The following RABGAP1L variants were observed in gnomAD, a reference collection of about 807,000 sequenced individuals.
The protein encoded by RABGAP1L is RAB GTPase activating protein 1 like, also known as rab GTPase-activating protein 1-like.
A neutral mutation model predicts 137.7 loss-of-function variants in RABGAP1L; 63 were observed. The observed-to-expected ratio is 0.46, with a 90% confidence interval of 0.37 to 0.56. RABGAP1L has a LOEUF of 0.56. RABGAP1L is among the 20% of genes least tolerant of loss of function. The pLI, the probability that RABGAP1L is intolerant of heterozygous loss-of-function variation, is 0.00. For synonymous variants in RABGAP1L, 431 were observed against 433.7 expected (o/e 0.99, Z 0.08); for missense variants, 1,095 against 1,244.0 (o/e 0.88, Z 1.80).
chr1:174,862,940 G>A (rs977404783), intron 19 of RABGAP1L, among the ~76,000 whole-genome samples: 2 of 151,456 alleles, frequency 1.3e-5, no homozygotes, highest in Non-Finnish European at 2.9e-5. Context: ...TGTCGCCCAG[G>A]TTGGAGTGCA....
intron 13 of RABGAP1L, among the ~76,000 whole-genome samples, chr1:174,487,372 A>G (rs1166417710): frequency 6.6e-6 from 1 of 152,180 alleles, no homozygotes; most frequent in Non-Finnish European, 1.5e-5. Context: ...TTTTATCATT[A>G]TATAGTGACC....
chr1:174,449,248 A>G, intron 13 of RABGAP1L: 3 of 1,448,034 alleles, frequency 2.1e-6, no homozygotes, highest in East Asian at 2.3e-5. Context: ...TTTGGATCAT[A>G]TTCTAGATTC....
At chr1:174,949,110 A>C (rs1667341869) in intron 19 of RABGAP1L, among the ~76,000 whole-genome samples, 1 of 152,160 alleles carries the variant, frequency 6.6e-6, no homozygotes, top group Non-Finnish European at 1.5e-5. Flanking sequence ...GACAAACCAC[A>C]CTTTTGCAAA....
intron 13 of RABGAP1L, among the ~76,000 whole-genome samples, chr1:174,462,303 A>G (rs1656778108): frequency 6.6e-6 from 1 of 152,146 alleles, no homozygotes; most frequent in Non-Finnish European, 1.5e-5. Context: ...TTTATCCTTT[A>G]ATATATCAAG....
chr1:174,393,971 T>C, intron 12 of RABGAP1L, 24 bp from the exon 13 acceptor site: 1 of 1,607,462 alleles, frequency 6.2e-7, no homozygotes, highest in Non-Finnish European at 8.5e-7. Context: ...GAAGTGTGAA[T>C]GGATTATTTT....
intron 14 of RABGAP1L, among the ~76,000 whole-genome samples, chr1:174,680,687 G>A (rs1159412206): frequency 6.6e-6 from 1 of 152,006 alleles, no homozygotes; most frequent in Non-Finnish European, 1.5e-5. Context: ...CTTGAGCCTA[G>A]GAGCTCCAGA....
chr1:174,889,599 GT>G (rs1378646105), intron 19 of RABGAP1L, among the ~76,000 whole-genome samples: 1 of 150,418 alleles, frequency 6.6e-6, no homozygotes, highest in Admixed American at 6.6e-5. Flanking sequence ...TTTTTTGTTT[GT>G]TTTTTTTTGT....
chr1:174,306,101 T>G (rs920563774), intron 11 of RABGAP1L, among the ~76,000 whole-genome samples: 5 of 152,238 alleles, frequency 3.3e-5, no homozygotes, highest in African/African-American at 9.6e-5. Flanking sequence ...AACTCATCAT[T>G]TTTTATGGCT....
chr1:174,635,411 C>G (rs1673922109), intron 13 of RABGAP1L, among the ~76,000 whole-genome samples: 1 of 152,094 alleles, frequency 6.6e-6, no homozygotes, highest in South Asian at 2.1e-4. Flanking sequence ...TGGAGAAAAC[C>G]TGGCAGTGAA....
At chr1:174,809,095 A>G (rs1345956210) in intron 18 of RABGAP1L, among the ~76,000 whole-genome samples, 4 of 152,366 alleles carry the variant, frequency 2.6e-5, no homozygotes, top group South Asian at 4.1e-4. Flanking sequence ...TAATGTGTCA[A>G]GTACTCCAGA....
At chr1:174,304,267 A>G (rs1032274262) in intron 10 of RABGAP1L, among the ~76,000 whole-genome samples, 2 of 152,082 alleles carry the variant, frequency 1.3e-5, no homozygotes, top group East Asian at 1.9e-4. Context: ...GCATTCCCCA[A>G]CTAAATCCTA....
intron 14 of RABGAP1L, among the ~76,000 whole-genome samples, chr1:174,682,174 A>G (rs1314326631): frequency 5.9e-5 from 9 of 151,738 alleles, no homozygotes; most frequent in Admixed American, 5.9e-4. Flanking sequence ...GCAGCTACTC[A>G]GGGGGCTGAG....
chr1:174,757,170 C>T (rs1684833294), intron 18 of RABGAP1L: 1 of 368,428 alleles, frequency 2.7e-6, no homozygotes. Context: ...TTCCTCCTGC[C>T]ACCTGGCTGC....
intron 18 of RABGAP1L, among the ~76,000 whole-genome samples, chr1:174,765,584 C>T (rs1685600885): frequency 6.6e-6 from 1 of 151,886 alleles, no homozygotes; most frequent in Admixed American, 6.6e-5. Flanking sequence ...ACGTGTGTGC[C>T]ACCATGTCCA....
chr1:174,422,123 G>A (rs138120211), intron 13 of RABGAP1L, among the ~76,000 whole-genome samples: 2 of 152,266 alleles, frequency 1.3e-5, no homozygotes, highest in Non-Finnish European at 2.9e-5. Flanking sequence ...TGTGACCTAT[G>A]TTGTTGCATA....
intron 17 of RABGAP1L, among the ~76,000 whole-genome samples, chr1:174,726,785 T>C (rs332795): frequency 0.58 from 88,445 of 152,016 alleles, 28,047 homozygotes; most frequent in African/African-American, 0.85. Flanking sequence ...AAGAAAAATG[T>C]CAAAATACAT....
At chr1:174,615,220 T>C (rs183409193) in intron 13 of RABGAP1L, among the ~76,000 whole-genome samples, 23 of 152,332 alleles carry the variant, frequency 1.5e-4, no homozygotes, top group African/African-American at 5.5e-4. Flanking sequence ...TATCTACTTT[T>C]GGTCTTTGAT....
At chr1:174,237,203 A>G (rs1378038226) in intron 4 of RABGAP1L, among the ~76,000 whole-genome samples, 1 of 148,912 alleles carries the variant, frequency 6.7e-6, no homozygotes, top group African/African-American at 2.5e-5. Flanking sequence ...CAGCACACTG[A>G]TGGGTCTTGA....
chr1:174,780,116 A>AAATTAATTAATT (rs1320334564), intron 18 of RABGAP1L, among the ~76,000 whole-genome samples: 3 of 145,836 alleles, frequency 2.1e-5, no homozygotes, highest in African/African-American at 7.7e-5. Flanking sequence ...ATAAATAAAT[A>AAATTAATTAATT]AATTAAATAA....
Sources: gnomAD v4.1 joint callset for allele counts (sites outside exome capture counted in the v4.1 genomes callset) on GRCh38, gnomAD v4.1.1 for gene constraint, MANE v1.5 for transcripts, NCBI Gene and HGNC (gene_info 2026-07-23, HGNC 2026-07-21) for gene names.